The following KAT2B variants were observed in gnomAD, a reference collection of about 807,000 sequenced individuals.
The protein encoded by KAT2B is lysine acetyltransferase 2B.
In KAT2B, 36 loss-of-function variants were observed where a neutral mutation model predicts 105.9. The ratio of observed to expected loss-of-function variants is 0.34; its 90% CI spans 0.26 to 0.45. KAT2B has a LOEUF of 0.45. KAT2B is among the 20% of genes least tolerant of loss of function. KAT2B has a pLI of 1.00. For missense variants in KAT2B, 820 were observed against 1,021.6 expected (o/e 0.80, Z 2.69); for synonymous variants, 397 against 377.9 (o/e 1.05, Z -0.59).
Position 20,099,963 on chromosome 3 carries a change from ATTTTAAAAGCCCTC to A in KAT2B, c.669+14_669+27del, listed in dbSNP as rs1475428355. On this transcript the variant is annotated intron_variant, in intron 4 of 17. Transcript: ENST00000263754. ...AACCTAGCATTGAACAGGTAAAAAG[ATTTTAAAAGCCCTC>A]TTTTTATTGGCTCAAGGCTGAAGAA... 2 of 1,454,470 alleles carry A rather than the reference ATTTTAAAAGCCCTC, an allele frequency of 1.4e-6. No individual in the cohort carries two copies. Among genetic ancestry groups the A allele is most frequent in the East Asian group, 4.5e-5 (2 of 44,102 alleles). The allele number at this position is 1,454,470 out of a possible 1,614,324, so 90.1% of individuals were successfully genotyped here. A position where few individuals can be genotyped will look rare whatever the true frequency, so the allele number is the denominator to read the frequency against.
intron 9 of KAT2B, among the ~76,000 whole-genome samples, chr3:20,123,366 A>G (rs1306388253): frequency 6.6e-6 from 1 of 152,198 alleles, no homozygotes; most frequent in Non-Finnish European, 1.5e-5. Context: ...GCCTGGTTAC[A>G]ATATTTTCTA....
chr3:20,126,033 G>A lies in KAT2B; in HGVS notation c.1542G>A (p.Trp514Ter). 1 of 1,614,154 alleles carries A rather than the reference G, an allele frequency of 6.2e-7. No individual in the cohort carries two copies. Among genetic ancestry groups the A allele is most frequent in the Non-Finnish European group, 8.5e-7 (1 of 1,180,010 alleles). ...AACCAAACAAGAAGATCCTGATGTGGCTGGTTGGCCTACAGAACGTTTTCT... is the reference window on the plus strand; with the variant it reads ...AACCAAACAAGAAGATCCTGATGTGACTGGTTGGCCTACAGAACGTTTTCT... ...NQKPNKKILM[W>*]LVGLQNVFSH... Residue 514 changes from tryptophan (W) to a stop codon, truncating the protein, a stop_gained, in exon 10 of 18, where the codon TGG (tryptophan) becomes TGA (stop). Coordinates refer to ENST00000263754, the MANE Select transcript of KAT2B (RefSeq NM_003884.5). LOFTEE classifies it high-confidence loss of function.
intron 1 of KAT2B, among the ~76,000 whole-genome samples, chr3:20,049,493 G>GTC (rs1260426725): frequency 1.3e-5 from 2 of 152,174 alleles, no homozygotes; most frequent in Non-Finnish European, 2.9e-5. Context: ...TCATGAAAGC[G>GTC]TCTGCCCAAG....
At chr3:20,109,059 G>T (rs909960625) in intron 5 of KAT2B, among the ~76,000 whole-genome samples, 1 of 152,084 alleles carries the variant, frequency 6.6e-6, no homozygotes, top group African/African-American at 2.4e-5. Flanking sequence ...GGTTTGTGTA[G>T]GTACACTCTC....
chr3:20,076,430 T>C (rs1698420270), intron 2 of KAT2B, among the ~76,000 whole-genome samples: 1 of 152,198 alleles, frequency 6.6e-6, no homozygotes, highest in African/African-American at 2.4e-5. Context: ...GGTCTTGGAA[T>C]TATTGTTGGA....
Position 20,127,446 on chromosome 3 carries a change from T to C in KAT2B, c.1646T>C (p.Ile549Thr). The change falls in exon 11 of 18, where the codon ATT (isoleucine) becomes ACT (threonine). Residue 549 changes from isoleucine (I) to threonine (T), a missense_variant. By Grantham distance (89) the Ile-to-Thr change is moderately conservative. Transcript: ENST00000263754. ...FDPKHKTLAL[I>T]KDGRVIGGIC... is the part of the protein sequence containing the mutation. The stretch of plus-strand genomic sequence containing the variant: ...AGGAAACACAAAACCCTTGCTTTAA[T>C]TAAAGATGGCCGTGTTATTGGTGGT... The C allele has an allele frequency of 1.9e-6, 3 of 1,613,262 alleles. No homozygotes were observed. Among genetic ancestry groups the C allele is most frequent in the Non-Finnish European group, 2.5e-6 (3 of 1,179,164 alleles).
chr3:20,067,019 C>T (rs4417886), intron 1 of KAT2B, among the ~76,000 whole-genome samples: 22,697 of 152,122 alleles, frequency 0.15, 2,114 homozygotes, highest in Middle Eastern at 0.22. Flanking sequence ...TGGAGTGCTG[C>T]GGGGCTGACA....
chr3:20,122,833 T>C, intron 9 of KAT2B, 29 bp downstream of exon 9: 1 of 1,591,860 alleles, frequency 6.3e-7, no homozygotes, highest in South Asian at 1.1e-5. Flanking sequence ...GGCAGCCAGC[T>C]GGTAGACCTC....
intron 2 of KAT2B, among the ~76,000 whole-genome samples, chr3:20,076,850 A>G (rs1698429609): frequency 6.6e-6 from 1 of 152,212 alleles, no homozygotes; most frequent in Non-Finnish European, 1.5e-5. Context: ...TTCTGTTTTC[A>G]CATACAGTAG....
In KAT2B at chr3:20,154,398, C is replaced by G. The variant is rs935551582; in HGVS notation, c.*1873C>G. On this transcript the variant is annotated 3_prime_UTR_variant, in exon 18 of 18. Coordinates refer to ENST00000263754, the MANE Select transcript of KAT2B (RefSeq NM_003884.5). ...TAGTTTTAAATTATATTTTAAAAAG[C>G]TTCCAATCTTGTGGTGTGTTTTATT... 1 of 152,596 alleles carries G rather than the reference C, an allele frequency of 6.6e-6. No homozygotes were observed. The highest frequency in any genetic ancestry group is 1.5e-5 in the Non-Finnish European group (1 of 68,006). The allele number at this position is 152,596 out of a possible 1,614,324, so 9.5% of individuals were successfully genotyped here. A position where few individuals can be genotyped will look rare whatever the true frequency, so the allele number is the denominator to read the frequency against.
At chr3:20,143,179 GAGA>G (rs773429521) in intron 13 of KAT2B, among the ~76,000 whole-genome samples, 2 of 152,156 alleles carry the variant, frequency 1.3e-5, no homozygotes, top group East Asian at 3.9e-4. Context: ...TGGACTTCAG[GAGA>G]AGAAGATGAG....
chr3:20,079,405 T>G (rs1382158550), intron 2 of KAT2B, among the ~76,000 whole-genome samples: 1 of 151,048 alleles, frequency 6.6e-6, no homozygotes, highest in Non-Finnish European at 1.5e-5. Context: ...GGTTTTATCA[T>G]GTTGACCAAG....
intron 5 of KAT2B, 127 bp downstream of exon 5, chr3:20,101,595 CT>C: frequency 1.4e-6 from 1 of 704,360 alleles, no homozygotes; most frequent in Non-Finnish European, 2.4e-6. Context: ...GAGATAATGT[CT>C]TTATAATTTA....
chr3:20,056,970 A>G (rs1482844124), intron 1 of KAT2B, among the ~76,000 whole-genome samples: 1 of 152,204 alleles, frequency 6.6e-6, no homozygotes, highest in East Asian at 1.9e-4. Flanking sequence ...GACGTTCTTA[A>G]GTGGCATTTT....
chr3:20,148,274 A>G lies in KAT2B; in HGVS notation c.2188A>G (p.Ser730Gly), dbSNP rs778429148. The G allele has an allele frequency of 1.9e-6, 3 of 1,614,022 alleles. No individual in the cohort carries two copies. The highest frequency in any genetic ancestry group is 3.3e-5 in the Admixed American group (2 of 59,992). ...KEPRDPDQLY[S>G]TLKSILQQVK... is the part of the protein sequence containing the mutation. The stretch of plus-strand genomic sequence containing the variant: ...GCCCAGAGACCCTGACCAGCTTTAC[A>G]GCACGCTCAAGAGCATCCTCCAGCA... Residue 730 changes from serine to glycine, a missense_variant, in exon 16 of 18, where the codon AGC (serine) becomes GGC (glycine). By Grantham distance (56) the Ser-to-Gly change is moderately conservative (BLOSUM62 0). Coordinates refer to ENST00000263754, the MANE Select transcript of KAT2B (RefSeq NM_003884.5).
In KAT2B at chr3:20,127,482, G is replaced by A. The variant is rs200572606; in HGVS notation, c.1682G>A (p.Arg561His). The change falls in exon 11 of 18, where the codon CGT (arginine) becomes CAT (histidine). Residue 561 changes from arginine to histidine, a missense_variant. Arg to His is a conservative substitution (Grantham distance 29). Around this residue, in one of 6 missense-constraint regions of KAT2B, gnomAD observed 225 missense variants for 268.1 expected, o/e 0.84. Transcript: ENST00000263754. The stretch of plus-strand genomic sequence containing the variant: ...CGTGTTATTGGTGGTATCTGTTTCC[G>A]TATGTTCCCATCTCAAGGATTCACA... ...DGRVIGGICF[R>H]MFPSQGFTEI... The A allele has an allele frequency of 3.1e-5, 50 of 1,612,556 alleles. No homozygotes were observed. Among genetic ancestry groups the A allele is most frequent in the South Asian group, 1.2e-4 (11 of 91,054 alleles).
In KAT2B at chr3:20,152,471, C is replaced by T. The variant is rs780741800; in HGVS notation, c.2445C>T (p.Ile815=). 3.1e-6 allele frequency: 5 copies of T among 1,613,210 alleles called. No homozygotes were observed. The highest frequency in any genetic ancestry group is 3.4e-6 in the Non-Finnish European group (4 of 1,179,508). Residue 815 remains isoleucine (I), a synonymous_variant, in exon 18 of 18, where the codon ATC becomes ATT. Transcript: ENST00000263754. Reference sequence around the variant, plus strand: ...GTGAATACTACAAATGTGCCAATATCCTGGAGAAATTCTTCTTCAGTAAAA... The same window carrying T: ...GTGAATACTACAAATGTGCCAATATTCTGGAGAAATTCTTCTTCAGTAAAA... ...PESEYYKCAN[I]LEKFFFSKIK...
intron 2 of KAT2B, among the ~76,000 whole-genome samples, chr3:20,093,154 A>G (rs571340306): frequency 6.6e-6 from 1 of 152,340 alleles, no homozygotes; most frequent in African/African-American, 2.4e-5. Context: ...AGACTCTGAG[A>G]CAAGGATTTG....
chr3:20,104,258 A>T (rs1403854665), intron 5 of KAT2B, among the ~76,000 whole-genome samples: 1 of 152,190 alleles, frequency 6.6e-6, no homozygotes, highest in Non-Finnish European at 1.5e-5. Flanking sequence ...ACAGAAATGA[A>T]TATGCCCTAA....
Sources: allele counts gnomAD v4.1 joint callset (sites outside exome capture counted in the v4.1 genomes callset), GRCh38; gene constraint gnomAD v4.1.1; regional missense constraint gnomAD v4.1.1; transcripts MANE v1.5; gene names NCBI Gene and HGNC (gene_info 2026-07-23, HGNC 2026-07-21).